PUM2: variants seen among roughly 807,000 people sequenced by gnomAD.
PUM2 encodes the protein pumilio homolog 2.
In PUM2, 57 loss-of-function variants were observed where a neutral mutation model predicts 124.5. The ratio of observed to expected loss-of-function variants is 0.46; its 90% CI spans 0.37 to 0.57. PUM2 has a LOEUF of 0.57. PUM2 is among the 20% of genes least tolerant of loss of function. PUM2 has a pLI of 0.00. For missense variants in PUM2, 1,065 were observed against 1,290.6 expected, an observed-to-expected ratio of 0.83 and a Z score of 2.68; for synonymous variants, 460 against 446.1, an observed-to-expected ratio of 1.03 and a Z score of -0.39.
intron 1 of PUM2, chr2:20,350,195 C>T (rs1045102716): frequency 1.3e-5 from 2 of 152,596 alleles, no homozygotes; most frequent in African/African-American, 4.8e-5. Context: ...ACTCCTTCCT[C>T]TTCACCCACT....
chr2:20,307,764 C>T (rs563855801), intron 7 of PUM2, among the ~76,000 whole-genome samples: 82 of 152,272 alleles, frequency 5.4e-4, no homozygotes, highest in African/African-American at 1.7e-3. Context: ...TAACTTTTAT[C>T]GAATTACAGA....
intron 13 of PUM2, among the ~76,000 whole-genome samples, chr2:20,268,228 T>C (rs1668163800): frequency 6.6e-6 from 1 of 152,216 alleles, no homozygotes; most frequent in African/African-American, 2.4e-5. Flanking sequence ...GATATTCTGA[T>C]AGAAGAGTAT....
intron 17 of PUM2, 146 bp from the exon 18 acceptor site, chr2:20,255,487 T>C (rs1359419114): frequency 2.7e-6 from 2 of 736,264 alleles, no homozygotes; most frequent in Non-Finnish European, 4.2e-6. Context: ...TTAATATGAC[T>C]ACCACCATGT....
At chr2:20,255,913 G>T in intron 17 of PUM2, 120 bp downstream of exon 17, 2 of 1,028,290 alleles carry the variant, frequency 1.9e-6, no homozygotes, top group Non-Finnish European at 1.3e-6. Flanking sequence ...TTACTGTTTT[G>T]TATCCTATTT....
chr2:20,274,019 G>C (rs1443221737), intron 13 of PUM2, among the ~76,000 whole-genome samples: 1 of 152,034 alleles, frequency 6.6e-6, no homozygotes, highest in African/African-American at 2.4e-5. Context: ...AGTTCCTATA[G>C]AATAGCATAA....
chr2:20,344,973 ACT>A (rs1687937790), intron 1 of PUM2, among the ~76,000 whole-genome samples: 1 of 106,458 alleles, frequency 9.4e-6, no homozygotes, highest in Admixed American at 1.2e-4. Flanking sequence ...ACGGAGGGAG[ACT>A]CTGTCTCAAA....
At chr2:20,298,824 G>T (rs1287608240) in intron 7 of PUM2, among the ~76,000 whole-genome samples, 1 of 152,168 alleles carries the variant, frequency 6.6e-6, no homozygotes, top group African/African-American at 2.4e-5. Context: ...GGGCAAGAGG[G>T]CGAGACTCCG....
intron 10 of PUM2, among the ~76,000 whole-genome samples, chr2:20,285,943 G>A (rs936964176): frequency 1.3e-5 from 2 of 152,030 alleles, no homozygotes; most frequent in Admixed American, 6.6e-5. Flanking sequence ...TAAAGAAACT[G>A]GGAGAACTAG....
rs1666524801 is a variant in PUM2 at position 20,262,404 on chromosome 2, T to A, written c.2225+789A>T. ...ATACCATTGTTACAAATGCCTACAG[T>A]ATTCAGTACAGTGACATGCTGTACA... On this transcript the variant is annotated intron_variant, in intron 14 of 20. Transcript: ENST00000361078. Among the ~76,000 whole-genome samples, 4 of 150,266 alleles carry A rather than the reference T, an allele frequency of 2.7e-5. 1 individual carries two copies. In the South Asian group the frequency reaches 8.3e-4, roughly 31 times the overall value.
intron 12 of PUM2, among the ~76,000 whole-genome samples, chr2:20,282,177 C>A (rs960618785): frequency 1.3e-5 from 2 of 152,208 alleles, no homozygotes; most frequent in African/African-American, 4.8e-5. Flanking sequence ...GGAAACCTCA[C>A]AGAAAACACC....
Position 20,328,107 on chromosome 2 carries a change from G to A in PUM2, c.-18-729C>T, listed in dbSNP as rs528018187. Among the ~76,000 whole-genome samples, 105 of 152,242 alleles carry A rather than the reference G, an allele frequency of 6.9e-4. 2 individuals carry two copies. The highest frequency in any genetic ancestry group is 1.6e-3 in the Admixed American group (24 of 15,294). ...CTCAGCACTTTGGGAGACCGAGGTG[G>A]GTGATCACTTGAGGTCAAGAGTTTG... On this transcript the variant is annotated intron_variant, in intron 1 of 20. Coordinates refer to ENST00000361078, the MANE Select transcript of PUM2 (RefSeq NM_015317.5).
intron 1 of PUM2, among the ~76,000 whole-genome samples, chr2:20,329,174 CAA>C (rs769818181): frequency 4.1e-4 from 26 of 63,062 alleles, no homozygotes; most frequent in Admixed American, 7.5e-4. Flanking sequence ...ACCCTGTCTC[CAA>C]AAAAAAAAAA....
chr2:20,266,360 G>A (rs1370059049), intron 13 of PUM2, among the ~76,000 whole-genome samples: 4 of 151,790 alleles, frequency 2.6e-5, no homozygotes, highest in African/African-American at 9.7e-5. Context: ...TGCGAGGATC[G>A]CTTGAGCCTG....
At chr2:20,288,181 G>A (rs922789797) in intron 10 of PUM2, among the ~76,000 whole-genome samples, 17 of 152,210 alleles carry the variant, frequency 1.1e-4, no homozygotes, top group African/African-American at 3.9e-4. Context: ...TGACTCTGAA[G>A]AAGGCAGCCA....
At chr2:20,257,518 G>A (rs1040563489) in intron 16 of PUM2, among the ~76,000 whole-genome samples, 1 of 151,722 alleles carries the variant, frequency 6.6e-6, no homozygotes, top group Non-Finnish European at 1.5e-5. Context: ...TATTGATTTG[G>A]GGCTATAAAT....
At chr2:20,346,152 A>G (rs1386823596) in intron 1 of PUM2, among the ~76,000 whole-genome samples, 3 of 152,226 alleles carry the variant, frequency 2.0e-5, no homozygotes, top group Non-Finnish European at 4.4e-5. Flanking sequence ...GAAAACACCT[A>G]TAGGCAAAAC....
At chr2:20,269,544 A>C (rs1384029610) in intron 13 of PUM2, among the ~76,000 whole-genome samples, 2 of 152,200 alleles carry the variant, frequency 1.3e-5, no homozygotes, top group Non-Finnish European at 2.9e-5. Context: ...ATTGGAGGAA[A>C]GACTAAGACT....
intron 1 of PUM2, among the ~76,000 whole-genome samples, chr2:20,334,262 T>C (rs774579247): frequency 4.6e-5 from 7 of 152,142 alleles, no homozygotes; most frequent in East Asian, 1.9e-4. Flanking sequence ...CAGTGAGCCA[T>C]GGTCCGCTCC....
At chr2:20,340,337 C>T (rs1686985132) in intron 1 of PUM2, among the ~76,000 whole-genome samples, 2 of 152,236 alleles carry the variant, frequency 1.3e-5, no homozygotes, top group Admixed American at 6.5e-5. Flanking sequence ...CAAAGTTTAA[C>T]TACCTGGGTA....
Sources: allele counts gnomAD v4.1 joint callset (sites outside exome capture counted in the v4.1 genomes callset), GRCh38; gene constraint gnomAD v4.1.1; transcripts MANE v1.5; gene names NCBI Gene and HGNC (gene_info 2026-07-23, HGNC 2026-07-21).